FZD4: variants seen among roughly 807,000 people sequenced by gnomAD.
FZD4 encodes frizzled-4.
Under a neutral mutation model 37.3 loss-of-function variants are expected in FZD4, and 16 were observed. That is an observed-to-expected ratio of 0.43 (90% CI 0.29 to 0.65). The LOEUF is 0.65. Ranked by LOEUF, FZD4 falls within the 30% of genes least tolerant of loss-of-function variation. FZD4 has a pLI of 0.16. For synonymous variants in FZD4, 246 were observed against 254.8 expected, an observed-to-expected ratio of 0.97 and a Z score of 0.33; for missense variants, 599 against 674.3, an observed-to-expected ratio of 0.89 and a Z score of 1.24.
chr11:86,955,374 C>G lies in FZD4; in HGVS notation c.-289G>C. The G allele has an allele frequency of 3.2e-6, 1 of 315,734 alleles. No individual in the cohort carries two copies. The highest frequency in any genetic ancestry group is 5.7e-6 in the Non-Finnish European group (1 of 174,036). The allele number at this position is 315,734 out of a possible 1,614,324, so 19.6% of individuals were successfully genotyped here. A position where few individuals can be genotyped will look rare whatever the true frequency, so the allele number is the denominator to read the frequency against. ...TCGGCGTCTCCGCGAGGCCAGCCAG[C>G]AGCCAGCGCTGCGCAGCTCTCACCG... On this transcript the variant is annotated 5_prime_UTR_variant, in exon 1 of 2. Transcript: ENST00000531380.
In FZD4 at chr11:86,951,225, A is replaced by C; in HGVS notation, c.1531T>G (p.Leu511Val). The C allele has an allele frequency of 6.2e-7, 1 of 1,613,968 alleles. No homozygotes were observed. The highest frequency in any genetic ancestry group is 1.3e-5 in the African/African-American group (1 of 75,006). The stretch of plus-strand genomic sequence containing the variant: ...CTCTTTACCTTTCCAGAATTCACCA[A>C]TCTGTTGGAACACTTCTGCCACGTG... The part of the protein sequence containing the change: ...LHTWQKCSNR[L>V]VNSGKVKREK... The change falls in exon 2 of 2, where the codon TTG (leucine) becomes GTG (valine). Residue 511 changes from leucine (L) to valine (V), a missense_variant. This residue lies in a region of FZD4 where 203 missense variants were observed against 196.8 expected (regional missense o/e 1.03). Coordinates refer to ENST00000531380, the MANE Select transcript of FZD4 (RefSeq NM_012193.4).
In FZD4 at chr11:86,952,088, A is replaced by G; in HGVS notation, c.668T>C (p.Met223Thr). 6.2e-7 allele frequency: 1 copy of G among 1,614,154 alleles called. No individual in the cohort carries two copies. Among genetic ancestry groups the G allele is most frequent in the Non-Finnish European group, 8.5e-7 (1 of 1,180,006 alleles). ...GAAACACAGGCTGGCCCACACAGCC[A>G]TCCAGATATCAGTGAACTCCTTGGC... is the stretch of plus-strand genomic sequence containing the variant. The part of the protein sequence containing the change: ...RSAKEFTDIW[M>T]AVWASLCFIS... Residue 223 changes from methionine (M) to threonine (T), a missense_variant, in exon 2 of 2, where the codon ATG (methionine) becomes ACG (threonine). Met to Thr is a moderately conservative substitution (Grantham distance 81). This residue lies in a region of FZD4 where 357 missense variants were observed against 396.1 expected (regional missense o/e 0.90). Transcript: ENST00000531380.
rs1949263795 is a variant in FZD4, at chr11:86,948,586, A to G, written c.*2556T>C. ...CAAATGGCCACTTCTGATCAAATAC[A>G]CTTTGCCCTGAAAAGGCAAGAGATT... On this transcript the variant is annotated 3_prime_UTR_variant, in exon 2 of 2. Coordinates refer to ENST00000531380, the MANE Select transcript of FZD4 (RefSeq NM_012193.4). The G allele has an allele frequency of 6.6e-6, 1 of 152,178 alleles. No homozygotes were observed. The highest frequency in any genetic ancestry group is 2.1e-4 in the South Asian group (1 of 4,830). The allele number at this position is 152,178 out of a possible 1,614,324, so 9.4% of individuals were successfully genotyped here.
rs892869123 is a variant in FZD4 at position 86,946,025 on chromosome 11, A to G, written c.*5117T>C. The G allele has an allele frequency of 1.3e-5, 2 of 152,506 alleles. No homozygotes were observed. The highest frequency in any genetic ancestry group is 2.9e-5 in the Non-Finnish European group (2 of 68,044). The allele number at this position is 152,506 out of a possible 1,614,324, so 9.4% of individuals were successfully genotyped here. A position where few individuals can be genotyped will look rare whatever the true frequency, so the allele number is the denominator to read the frequency against. On this transcript the variant is annotated 3_prime_UTR_variant, in exon 2 of 2. Coordinates refer to ENST00000531380, the MANE Select transcript of FZD4 (RefSeq NM_012193.4). ...ACATTTTATCTTTTTTTCAGATTAC[A>G]TCCGATATTTCATCTACCTTTCTTA...
In FZD4 at chr11:86,952,073, C is replaced by A. The variant is rs781634932; in HGVS notation, c.683G>T (p.Ser228Ile). ...GAAGGCAGTGGAGATGAAACACAGG[C>A]TGGCCCACACAGCCATCCAGATATC... ...FTDIWMAVWA[S>I]LCFISTAFTV... Residue 228 changes from serine (S) to isoleucine (I), a missense_variant, in exon 2 of 2, where the codon AGC becomes ATC. Transcript: ENST00000531380. 1.2e-6 allele frequency: 2 copies of A among 1,614,100 alleles called. No homozygotes were observed. The highest frequency in any genetic ancestry group is 1.1e-5 in the South Asian group (1 of 91,066).
At chr11:86,953,987 T>G (rs1949316031) in intron 1 of FZD4, among the ~76,000 whole-genome samples, 1 of 152,206 alleles carries the variant, frequency 6.6e-6, no homozygotes, top group Non-Finnish European at 1.5e-5. Flanking sequence ...TCTAAATTTC[T>G]AAAAATCACC....
chr11:86,954,746 T>A, intron 1 of FZD4, 55 bp downstream of exon 1: 1 of 1,543,776 alleles, frequency 6.5e-7, no homozygotes, highest in Non-Finnish European at 8.7e-7. Context: ...GCAAAGTTAG[T>A]TTGGAGCGTC....
rs776017294 is a variant in FZD4 at position 86,955,021 on chromosome 11, C to T, written c.65G>A (p.Gly22Glu). Residue 22 changes from glycine (G) to glutamate (E), a missense_variant, in exon 1 of 2, where the codon GGG becomes GAG. By Grantham distance (98) the Gly-to-Glu change is moderately conservative. This residue lies in a region of FZD4 where 357 missense variants were observed against 396.1 expected (regional missense o/e 0.90). Coordinates refer to ENST00000531380, the MANE Select transcript of FZD4 (RefSeq NM_012193.4). ...GAGCAGCAGCAACTGCAGGAGCAAC[C>T]CCAGACTGAGACCGACGCCCCCGGG... The part of the protein sequence containing the change: ...GAPGGVGLSL[G>E]LLLQLLLLLG... 6.8e-6 allele frequency: 11 copies of T among 1,612,184 alleles called. No homozygotes were observed. The highest frequency in any genetic ancestry group is 9.3e-6 in the Non-Finnish European group (11 of 1,179,400).
intron 1 of FZD4, 193 bp downstream of exon 1, chr11:86,954,600 GGGTTCTTT>G (rs1420671373): frequency 1.0e-6 from 1 of 985,244 alleles, no homozygotes; most frequent in Non-Finnish European, 1.2e-6. Context: ...GTGTAAGAGT[GGGTTCTTT>G]CCCAGGCCAG....
Position 86,951,041 on chromosome 11 carries a change from G to A in FZD4, c.*101C>T. On this transcript the variant is annotated 3_prime_UTR_variant, in exon 2 of 2. Coordinates refer to ENST00000531380, the MANE Select transcript of FZD4 (RefSeq NM_012193.4). Reference sequence around the variant, plus strand: ...GGGGTCACTTAATTGTTGCTAGTTTGTTCAAACTGAGATTCACTGCATAAA... The same window carrying A: ...GGGGTCACTTAATTGTTGCTAGTTTATTCAAACTGAGATTCACTGCATAAA... 1 of 1,290,308 alleles carries A rather than the reference G, an allele frequency of 7.8e-7. No homozygotes were observed. The highest frequency in any genetic ancestry group is 1.2e-5 in the South Asian group (1 of 83,778). 79.9% of individuals were successfully genotyped at this position (1,290,308 alleles called of 1,614,324 possible).
In FZD4 at chr11:86,951,685, C is replaced by T; in HGVS notation, c.1071G>A (p.Val357=). The part of the protein sequence containing the change: ...FHIAAWAIPA[V]KTIVILIMRL... Reference sequence around the variant, plus strand: ...TCATAATCAAGATGACAATGGTTTTCACTGCGGGGATGGCCCAGGCTGCAA... The same window carrying T: ...TCATAATCAAGATGACAATGGTTTTTACTGCGGGGATGGCCCAGGCTGCAA... The change falls in exon 2 of 2, where the codon GTG becomes GTA. Residue 357 remains valine, a synonymous_variant. Coordinates refer to ENST00000531380, the MANE Select transcript of FZD4 (RefSeq NM_012193.4). The T allele has an allele frequency of 1.2e-6, 2 of 1,614,174 alleles. No individual in the cohort carries two copies. The highest frequency in any genetic ancestry group is 1.7e-5 in the Admixed American group (1 of 60,016).
At position 86,954,383 on chromosome 11, in the gene FZD4, A is replaced by G. The variant is rs565560646; in HGVS notation, c.285+418T>C. Reference sequence around the variant, plus strand: ...AGGTGCAGTAGTGTTTCATTTAATAACACCCCAAAAATAGTGGGGAGAAGG... The same window carrying G: ...AGGTGCAGTAGTGTTTCATTTAATAGCACCCCAAAAATAGTGGGGAGAAGG... On this transcript the variant is annotated intron_variant, in intron 1 of 1. Coordinates refer to ENST00000531380, the MANE Select transcript of FZD4 (RefSeq NM_012193.4). 10 of 985,112 alleles carry G rather than the reference A, an allele frequency of 1.0e-5. No homozygotes were observed. In the South Asian group the frequency reaches 4.2e-4, roughly 42 times the overall value. The allele number at this position is 985,112 out of a possible 1,614,324, so 61.0% of individuals were successfully genotyped here. A position where few individuals can be genotyped will look rare whatever the true frequency, so the allele number is the denominator to read the frequency against.
rs942590141 is a variant in FZD4 at position 86,955,207 on chromosome 11, G to A, written c.-122C>T. On this transcript the variant is annotated 5_prime_UTR_variant, in exon 1 of 2. Transcript: ENST00000531380. ...TCCCGGGACGGGAGTGTGATGCGGC[G>A]ACGAGGGGGCAGCGGCCGGCTCTCC... 2.7e-6 allele frequency: 2 copies of A among 744,004 alleles called. No homozygotes were observed. The highest frequency in any genetic ancestry group is 1.9e-5 in the African/African-American group (1 of 53,336). The allele number at this position is 744,004 out of a possible 1,614,324, so 46.1% of individuals were successfully genotyped here. A position where few individuals can be genotyped will look rare whatever the true frequency, so the allele number is the denominator to read the frequency against.
At position 86,952,106 on chromosome 11, in the gene FZD4, T is replaced by C; in HGVS notation, c.650A>G (p.Glu217Gly). The C allele has an allele frequency of 6.2e-7, 1 of 1,614,028 alleles. No individual in the cohort carries two copies. Among genetic ancestry groups the C allele is most frequent in the Non-Finnish European group, 8.5e-7 (1 of 1,179,954 alleles). The part of the protein sequence containing the change: ...DAGLYSRSAK[E>G]FTDIWMAVWA... Reference sequence around the variant, plus strand: ...CACAGCCATCCAGATATCAGTGAACTCCTTGGCTGAGCGGCTGTATAAGCC... The same window carrying C: ...CACAGCCATCCAGATATCAGTGAACCCCTTGGCTGAGCGGCTGTATAAGCC... The change falls in exon 2 of 2, where the codon GAG becomes GGG. Residue 217 changes from glutamate (E) to glycine (G), a missense_variant. Physicochemically the swap from Glu to Gly is moderately conservative, Grantham distance 98. Around this residue, in one of 3 missense-constraint regions of FZD4, gnomAD observed 357 missense variants for 396.1 expected, o/e 0.90. Transcript: ENST00000531380.
In FZD4 at chr11:86,952,206, C is replaced by T. The variant is rs138794842; in HGVS notation, c.550G>A (p.Val184Met). 5.0e-6 allele frequency: 8 copies of T among 1,613,766 alleles called. No individual in the cohort carries two copies. The highest frequency in any genetic ancestry group is 1.1e-5 in the South Asian group (1 of 91,030). Residue 184 changes from valine (V) to methionine (M), a missense_variant, in exon 2 of 2, where the codon GTG (valine) becomes ATG (methionine). By Grantham distance (21) the Val-to-Met change is conservative (BLOSUM62 1). This residue lies in a region of FZD4 where 357 missense variants were observed against 396.1 expected (regional missense o/e 0.90). Transcript: ENST00000531380. Reference sequence around the variant, plus strand: ...ATGTACTGATCAGAATTGGTTCCCACAGAGTGACACTCTTCCCCAGGCTGG... The same window carrying T: ...ATGTACTGATCAGAATTGGTTCCCATAGAGTGACACTCTTCCCCAGGCTGG... ...PIQPGEECHS[V>M]GTNSDQYIWV...
At chr11:86,954,366 T>C in intron 1 of FZD4, 2 of 985,216 alleles carry the variant, frequency 2.0e-6, no homozygotes, top group Non-Finnish European at 2.4e-6. Flanking sequence ...AAAGGTGCAG[T>C]AGTGTTTCAT....
chr11:86,954,376 T>C (rs1949318903), intron 1 of FZD4: 6 of 985,166 alleles, frequency 6.1e-6, no homozygotes, highest in Non-Finnish European at 7.2e-6. Flanking sequence ...TAGTGTTTCA[T>C]TTAATAACAC....
chr11:86,954,369 T>C, intron 1 of FZD4: 1 of 985,116 alleles, frequency 1.0e-6, no homozygotes, highest in Non-Finnish European at 1.2e-6. Flanking sequence ...GGTGCAGTAG[T>C]GTTTCATTTA....
rs1294391928 is a variant in FZD4 at position 86,946,286 on chromosome 11, C to A, written c.*4856G>T. 2 of 152,100 alleles carry A rather than the reference C, an allele frequency of 1.3e-5. No homozygotes were observed. The highest frequency in any genetic ancestry group is 2.9e-5 in the Non-Finnish European group (2 of 68,052). The allele number at this position is 152,100 out of a possible 1,614,324, so 9.4% of individuals were successfully genotyped here. On this transcript the variant is annotated 3_prime_UTR_variant, in exon 2 of 2. Transcript: ENST00000531380. ...TTTGTGGCGCAGAGTGGCTCTTGCC[C>A]CTCTTTTCAGAAGCCTTCTAGGATG... is the stretch of plus-strand genomic sequence containing the variant.
Sources: allele counts gnomAD v4.1 joint callset (sites outside exome capture counted in the v4.1 genomes callset), GRCh38; gene constraint gnomAD v4.1.1; regional missense constraint gnomAD v4.1.1; transcripts MANE v1.5; gene names NCBI Gene and HGNC (gene_info 2026-07-23, HGNC 2026-07-21).